PTPRR: variants seen among roughly 807,000 people sequenced by gnomAD.
The protein encoded by PTPRR is protein tyrosine phosphatase receptor type R, also known as receptor-type tyrosine-protein phosphatase R.
PTPRR carries 38 observed loss-of-function variants against 77.2 expected under a neutral mutation model. That is an observed-to-expected ratio of 0.49 (90% CI 0.38 to 0.65). The LOEUF (loss-of-function observed/expected upper bound fraction) is 0.65, where lower values mean the gene tolerates loss of function less well. PTPRR is among the 30% of genes least tolerant of loss of function. The pLI is 0.00. For missense variants in PTPRR, 744 were observed against 799.2 expected (o/e 0.93, Z 0.83); for synonymous variants, 299 against 283.1 (o/e 1.06, Z -0.57).
chr12:70,877,173 C>A (rs561691470), intron 2 of PTPRR, among the ~76,000 whole-genome samples: 3 of 152,290 alleles, frequency 2.0e-5, no homozygotes, highest in Admixed American at 2.0e-4. Flanking sequence ...AGTAGGGCTT[C>A]GGTCAGGCCA....
chr12:70,672,631 G>C, intron 10 of PTPRR: 2 of 1,519,294 alleles, frequency 1.3e-6, no homozygotes, highest in Non-Finnish European at 1.8e-6. Context: ...CTGCTGCCAA[G>C]TGAATGGGGA....
At chr12:70,687,646 T>C (rs112473902) in intron 8 of PTPRR, among the ~76,000 whole-genome samples, 116 of 152,278 alleles carry the variant, frequency 7.6e-4, no homozygotes, top group African/African-American at 2.5e-3. Flanking sequence ...TTGCAAAAGA[T>C]CCTAGCATGT....
intron 4 of PTPRR, chr12:70,754,571 C>G (rs768551249): frequency 1.9e-6 from 3 of 1,597,452 alleles, no homozygotes; most frequent in Middle Eastern, 1.7e-4. Flanking sequence ...CTCAGCGTCT[C>G]TCTTGGAAAC....
At chr12:70,893,099 A>G (rs1178353328) in intron 1 of PTPRR, 122 bp from the exon 2 acceptor site, 1 of 1,071,986 alleles carries the variant, frequency 9.3e-7, no homozygotes, top group Non-Finnish European at 1.3e-6. Context: ...GATTTAGGTT[A>G]GTCTCCATAT....
intron 1 of PTPRR, among the ~76,000 whole-genome samples, chr12:70,917,759 C>T (rs1893796438): frequency 6.6e-6 from 1 of 152,158 alleles, no homozygotes; most frequent in Non-Finnish European, 1.5e-5. Context: ...CAGTTTGCTA[C>T]TTATCATTAC....
intron 2 of PTPRR, among the ~76,000 whole-genome samples, chr12:70,855,545 G>A (rs1039448603): frequency 7.2e-5 from 11 of 152,162 alleles, no homozygotes; most frequent in Non-Finnish European, 1.5e-4. Context: ...ATAGAAAGAA[G>A]AAATGAGTTT....
intron 2 of PTPRR, among the ~76,000 whole-genome samples, chr12:70,847,344 C>T (rs1292412740): frequency 6.6e-6 from 1 of 152,152 alleles, no homozygotes; most frequent in African/African-American, 2.4e-5. Flanking sequence ...AAACCACAAA[C>T]ATAATCAAAA....
chr12:70,801,603 TATC>T (rs1186162460), intron 2 of PTPRR, among the ~76,000 whole-genome samples: 1 of 152,218 alleles, frequency 6.6e-6, no homozygotes, highest in East Asian at 1.9e-4. Context: ...CTTAAACTTG[TATC>T]ATCAGCTCTC....
At chr12:70,647,773 A>T (rs1466379115) in intron 13 of PTPRR, among the ~76,000 whole-genome samples, 1 of 152,176 alleles carries the variant, frequency 6.6e-6, no homozygotes, top group Non-Finnish European at 1.5e-5. Flanking sequence ...CTATAATTTT[A>T]AAAAATTGAC....
intron 2 of PTPRR, among the ~76,000 whole-genome samples, chr12:70,778,991 A>G (rs59675559): frequency 1.3e-5 from 2 of 151,916 alleles, no homozygotes; most frequent in Non-Finnish European, 2.9e-5. Context: ...GATTACAGGC[A>G]TGCACCACCA....
intron 2 of PTPRR, among the ~76,000 whole-genome samples, chr12:70,780,774 A>C (rs1281247092): frequency 6.6e-6 from 1 of 152,182 alleles, no homozygotes; most frequent in Non-Finnish European, 1.5e-5. Flanking sequence ...TAATATAATA[A>C]TATTCCTGGA....
At chr12:70,817,304 G>C (rs1437007700) in intron 2 of PTPRR, among the ~76,000 whole-genome samples, 1 of 151,986 alleles carries the variant, frequency 6.6e-6, no homozygotes, top group Admixed American at 6.5e-5. Flanking sequence ...TTTCCTTTTT[G>C]TTGCTACAAA....
At chr12:70,885,219 A>G (rs972653608) in intron 2 of PTPRR, among the ~76,000 whole-genome samples, 3 of 152,166 alleles carry the variant, frequency 2.0e-5, no homozygotes, top group Admixed American at 6.5e-5. Flanking sequence ...AAATAATACT[A>G]TATTAGATAT....
rs1008253252 is a variant in PTPRR, at chr12:70,672,659, A to C, written c.1498-10054T>G. ...AATGGGGAAGTGGTCCAGAGCAACA[A>C]CACCAACCAGATGGTGGTCAAGACA... On this transcript the variant is annotated intron_variant, in intron 10 of 13. Coordinates refer to ENST00000283228, the MANE Select transcript of PTPRR (RefSeq NM_002849.4). 1.4e-5 allele frequency: 22 copies of C among 1,544,240 alleles called. No individual in the cohort carries two copies. The African/African-American group carries it at 1.8e-4, about 13-fold the overall frequency.
intron 2 of PTPRR, among the ~76,000 whole-genome samples, chr12:70,802,930 A>G (rs1043394260): frequency 2.6e-5 from 4 of 152,222 alleles, no homozygotes; most frequent in African/African-American, 4.8e-5. Flanking sequence ...TGGTCTACAT[A>G]TGTCAAATTT....
chr12:70,657,239 C>T (rs766361464), intron 12 of PTPRR, among the ~76,000 whole-genome samples: 1 of 152,048 alleles, frequency 6.6e-6, no homozygotes, highest in South Asian at 2.1e-4. Context: ...TGGTGATGCC[C>T]TGAGGCCAAG....
chr12:70,821,075 A>G lies in PTPRR; in HGVS notation c.358-56297T>C, dbSNP rs186209693. Among the ~76,000 whole-genome samples, 40 of 152,312 alleles carry G rather than the reference A, an allele frequency of 2.6e-4. No individual in the cohort carries two copies. In the East Asian group the frequency reaches 4.6e-3, roughly 18 times the overall value. ...TCTCCAAAGTAAATGTGAATGCAAA[A>G]AGATTAATGAAGAAAAAATACTAGA... is the stretch of plus-strand genomic sequence containing the variant. On this transcript the variant is annotated intron_variant, in intron 2 of 13. Coordinates refer to ENST00000283228, the MANE Select transcript of PTPRR (RefSeq NM_002849.4).
intron 6 of PTPRR, among the ~76,000 whole-genome samples, chr12:70,722,064 T>C (rs1889276066): frequency 6.6e-6 from 1 of 152,208 alleles, no homozygotes; most frequent in Non-Finnish European, 1.5e-5. Context: ...AAGGCTTTTT[T>C]ACCCTTTGAA....
chr12:70,682,462 A>T (rs1239734208), intron 10 of PTPRR, among the ~76,000 whole-genome samples: 1 of 152,164 alleles, frequency 6.6e-6, no homozygotes, highest in Non-Finnish European at 1.5e-5. Flanking sequence ...TATTACCATT[A>T]CAATATGTTT....
Sources: gnomAD v4.1 joint callset for allele counts (sites outside exome capture counted in the v4.1 genomes callset) on GRCh38, gnomAD v4.1.1 for gene constraint, MANE v1.5 for transcripts, NCBI Gene and HGNC (gene_info 2026-07-23, HGNC 2026-07-21) for gene names.